F11: variants seen among roughly 807,000 people sequenced by gnomAD.
F11 encodes coagualtion factor XI.
F11 carries 78 observed loss-of-function variants against 76.5 expected under a neutral mutation model. That is an observed-to-expected ratio of 1.02 (90% confidence interval 0.85 to 1.23). The LOEUF (loss-of-function observed/expected upper bound fraction) is 1.23. F11 is among the 50% of genes most tolerant of loss of function. The probability of loss-of-function intolerance (pLI) is 0.00; values close to 1 mark genes in which losing one functional copy is unlikely to be tolerated. For missense variants in F11, 742 were observed against 771.4 expected, an observed-to-expected ratio of 0.96 and a Z score of 0.45; for synonymous variants, 278 against 276.3, an observed-to-expected ratio of 1.01 and a Z score of -0.06.
chr4:186,273,846 C>A (rs186256078), intron 4 of F11, among the ~76,000 whole-genome samples: 2 of 152,140 alleles, frequency 1.3e-5, no homozygotes, highest in East Asian at 1.9e-4. Flanking sequence ...AGTTAATTAG[C>A]GAAATAATCA....
chr4:186,285,913 C>T (rs878937298), intron 12 of F11, 100 bp downstream of exon 12: 131 of 1,269,866 alleles, frequency 1.0e-4, no homozygotes, highest in Non-Finnish European at 1.4e-4. Context: ...TCTCTCCATG[C>T]GTTATCATCA....
Position 186,277,396 on chromosome 4 carries a change from AT to A in F11, c.755+1015del, listed in dbSNP as rs373724074. Among the ~76,000 whole-genome samples the A allele has an allele frequency of 7.8e-3, 1,176 of 151,452 alleles. 11 individuals are homozygous for A. The highest frequency in any genetic ancestry group is 0.025 in the African/African-American group (1,047 of 41,268). On this transcript the variant is annotated intron_variant, in intron 7 of 14. Coordinates refer to ENST00000403665, the MANE Select transcript of F11 (RefSeq NM_000128.4). ...TGAGTGTAGGTATCTTTGTGACATG[AT>A]TTTTTTTTCTTTCTTTTCCTTTGGC... is the stretch of plus-strand genomic sequence containing the variant.
intron 12 of F11, chr4:186,286,161 A>G: frequency 1.9e-6 from 1 of 527,228 alleles, no homozygotes. Flanking sequence ...ACAATTAAGC[A>G]ACTTGTGCAG....
intron 2 of F11, among the ~76,000 whole-genome samples, chr4:186,269,451 T>C (rs1739753375): frequency 6.6e-6 from 1 of 152,248 alleles, no homozygotes; most frequent in Non-Finnish European, 1.5e-5. Context: ...TGCTATGACA[T>C]GGATGAACCT....
At chr4:186,287,595 T>A (rs893079849) in intron 13 of F11, 89 bp from the exon 14 acceptor site, 44 of 439,392 alleles carry the variant, frequency 1.0e-4, no homozygotes, top group Admixed American at 2.0e-4. Flanking sequence ...ATTAAAAATA[T>A]ATATATATAT....
chr4:186,285,660 C>T lies in F11; in HGVS notation c.1327C>T (p.Arg443Cys), dbSNP rs369435407. The T allele has an allele frequency of 1.7e-5, 28 of 1,613,912 alleles. No homozygotes were observed. The highest frequency in any genetic ancestry group is 1.9e-5 in the Non-Finnish European group (23 of 1,180,026). Residue 443 changes from arginine to cysteine, a missense_variant, in exon 12 of 15, where the codon CGT (arginine) becomes TGT (cysteine). By Grantham distance (180) the Arg-to-Cys change is radical. Coordinates refer to ENST00000403665, the MANE Select transcript of F11 (RefSeq NM_000128.4). Reference protein sequence around the residue: ...FYGVESPKILRVYSGILNQSE... With the variant: ...FYGVESPKILCVYSGILNQSE... The stretch of plus-strand genomic sequence containing the variant: ...TAGGGTAGAGTCACCTAAGATTTTG[C>T]GTGTCTACAGTGGCATTTTAAATCA...
intron 2 of F11, among the ~76,000 whole-genome samples, chr4:186,268,621 G>A (rs1179698935): frequency 6.6e-6 from 1 of 151,624 alleles, no homozygotes; most frequent in Non-Finnish European, 1.5e-5. Context: ...CACCGTGAAT[G>A]GGAGCTAGAA....
At chr4:186,274,058 C>T (rs1740180996) in intron 4 of F11, 58 bp from the exon 5 acceptor site, 1 of 1,601,496 alleles carries the variant, frequency 6.2e-7, no homozygotes, top group African/African-American at 1.3e-5. Flanking sequence ...GGGACAGTTG[C>T]TTAGGTCATT....
chr4:186,285,746 G>C lies in F11; in HGVS notation c.1413G>C (p.Gln471His), dbSNP rs778648408. ...TTCAAGAAATAATAATCCATGATCAGTATAAAATGGCAGAAAGCGGGTATG... is the reference window on the plus strand; with the variant it reads ...TTCAAGAAATAATAATCCATGATCACTATAAAATGGCAGAAAGCGGGTATG... ...FGVQEIIIHD[Q>H]YKMAESGYDI... is the part of the protein sequence containing the mutation. The change falls in exon 12 of 15, where the codon CAG becomes CAC. Residue 471 changes from glutamine to histidine, a missense_variant. Coordinates refer to ENST00000403665, the MANE Select transcript of F11 (RefSeq NM_000128.4). 6.2e-7 allele frequency: 1 copy of C among 1,614,144 alleles called. No individual in the cohort carries two copies. Among genetic ancestry groups the C allele is most frequent in the African/African-American group, 1.3e-5 (1 of 75,044 alleles).
At chr4:186,288,251 A>G (rs1472997886) in intron 14 of F11, among the ~76,000 whole-genome samples, 1 of 152,172 alleles carries the variant, frequency 6.6e-6, no homozygotes, top group Non-Finnish European at 1.5e-5. Context: ...GCCAATGAGC[A>G]GGGAACACAG....
In F11 at chr4:186,273,115, G is replaced by T. The variant is rs755446937; in HGVS notation, c.263G>T (p.Arg88Ile). ...GACAGTGTTACAGAAACACTGCCAA[G>T]AGTGAATAGGACAGCAGCGATTTCT... is the stretch of plus-strand genomic sequence containing the variant. ...LKDSVTETLP[R>I]VNRTAAISGY... Residue 88 changes from arginine (R) to isoleucine (I), a missense_variant, in exon 4 of 15, where the codon AGA becomes ATA. Arg to Ile is a moderately conservative substitution (Grantham distance 97, BLOSUM62 -3). Transcript: ENST00000403665. 11 of 1,613,912 alleles carry T rather than the reference G, an allele frequency of 6.8e-6. No homozygotes were observed. In the African/African-American group the frequency reaches 8.0e-5, roughly 12 times the overall value.
At chr4:186,275,300 G>C in intron 5 of F11, 1 of 393,502 alleles carries the variant, frequency 2.5e-6, no homozygotes, top group South Asian at 1.9e-5. Context: ...ACACCAGCCT[G>C]ACCAATATGG....
intron 11 of F11, among the ~76,000 whole-genome samples, chr4:186,284,644 T>TGC (rs1741056979): frequency 6.6e-6 from 1 of 150,754 alleles, no homozygotes; most frequent in Non-Finnish European, 1.5e-5. Flanking sequence ...TGTGTGTGCG[T>TGC]GTGTGTTTAA....
chr4:186,277,338 T>C (rs1740463599), intron 7 of F11, among the ~76,000 whole-genome samples: 1 of 152,224 alleles, frequency 6.6e-6, no homozygotes, highest in Admixed American at 6.5e-5. Context: ...GATCCATATC[T>C]TTGTTATTGT....
At chr4:186,288,134 G>A (rs899171332) in intron 14 of F11, among the ~76,000 whole-genome samples, 10 of 151,608 alleles carry the variant, frequency 6.6e-5, no homozygotes, top group African/African-American at 1.7e-4. Context: ...GGATGGTCTC[G>A]ATCTCCTGAC....
intron 3 of F11, among the ~76,000 whole-genome samples, chr4:186,272,204 G>A (rs1008506969): frequency 5.3e-5 from 8 of 151,540 alleles, no homozygotes; most frequent in Non-Finnish European, 1.2e-4. Flanking sequence ...CACCAAAACC[G>A]CAATGTTTGC....
At position 186,271,561 on chromosome 4, in the gene F11, T is replaced by A. The variant is rs370693861; in HGVS notation, c.56-48T>A. 5 of 1,606,742 alleles carry A rather than the reference T, an allele frequency of 3.1e-6. No homozygotes were observed. The African/African-American group carries it at 6.7e-5, about 21-fold the overall frequency. On this transcript the variant is annotated intron_variant, in intron 2 of 14. Transcript: ENST00000403665. ...TATGAGATTACCACCTAACTAGATG[T>A]ATGCCCAGTAAAATCCAACATAACG...
At chr4:186,280,617 G>A in intron 10 of F11, 37 bp downstream of exon 10, 2 of 1,454,478 alleles carry the variant, frequency 1.4e-6, no homozygotes, top group Admixed American at 3.4e-5. Context: ...ATAGCTGAAG[G>A]AATTATTCCA....
intron 2 of F11, among the ~76,000 whole-genome samples, chr4:186,267,979 T>C (rs913043431): frequency 3.3e-5 from 5 of 152,214 alleles, no homozygotes; most frequent in African/African-American, 1.2e-4. Flanking sequence ...ATTCCTTTGT[T>C]ATAATTATCT....
Sources: allele counts gnomAD v4.1 joint callset (sites outside exome capture counted in the v4.1 genomes callset), GRCh38; gene constraint gnomAD v4.1.1; transcripts MANE v1.5; gene names NCBI Gene and HGNC (gene_info 2026-07-23, HGNC 2026-07-21).